The following NOP58 variants were observed in gnomAD, a reference collection of about 807,000 sequenced individuals.
NOP58 encodes nucleolar protein 58.
Under a neutral mutation model 71.2 loss-of-function variants are expected in NOP58, and 44 were observed. The ratio of observed to expected loss-of-function variants is 0.62; its 90% CI spans 0.49 to 0.79. NOP58 has a LOEUF of 0.79. Among genes scored for constraint, NOP58 ranks in the 30% least tolerant of loss-of-function variants. NOP58 has a pLI of 0.00. For missense variants in NOP58, 538 were observed against 620.2 expected, an observed-to-expected ratio of 0.87 and a Z score of 1.41; for synonymous variants, 228 against 200.3, an observed-to-expected ratio of 1.14 and a Z score of -1.17.
chr2:202,302,777 A>G (rs1689115906), intron 13 of NOP58, 144 bp from the exon 14 acceptor site: 1 of 1,125,018 alleles, frequency 8.9e-7, no homozygotes, highest in African/African-American at 1.6e-5. Context: ...GGCCTTGGAG[A>G]ACCTTCCCAA....
intron 3 of NOP58, among the ~76,000 whole-genome samples, chr2:202,279,570 G>A (rs1363782172): frequency 1.3e-5 from 2 of 152,232 alleles, no homozygotes; most frequent in Non-Finnish European, 2.9e-5. Flanking sequence ...GGCCAAGACA[G>A]GCGGATCACC....
intron 7 of NOP58, 99 bp downstream of exon 7, chr2:202,290,556 GT>G: frequency 9.2e-7 from 1 of 1,091,542 alleles, no homozygotes; most frequent in Non-Finnish European, 1.3e-6. Context: ...GATTCCCAGG[GT>G]TTTTGCAATT....
intron 5 of NOP58, 122 bp downstream of exon 5, chr2:202,284,603 T>A: frequency 1.5e-5 from 10 of 647,494 alleles, no homozygotes; most frequent in Non-Finnish European, 2.6e-5. Flanking sequence ...AAGAAGATGA[T>A]AGTAATATCC....
Position 202,303,558 on chromosome 2 carries a change from A to G in NOP58, c.*122A>G. The G allele has an allele frequency of 1.6e-6, 2 of 1,285,002 alleles. No homozygotes were observed. Among genetic ancestry groups the G allele is most frequent in the East Asian group, 5.1e-5 (2 of 38,838 alleles). The allele number at this position is 1,285,002 out of a possible 1,614,324, so 79.6% of individuals were successfully genotyped here. On this transcript the variant is annotated 3_prime_UTR_variant, in exon 15 of 15. Transcript: ENST00000264279. ...GTTCAGTAAGACAAAGTGATTTATC[A>G]TCTATAACTTCAAACCTATTTGTCT...
intron 1 of NOP58, among the ~76,000 whole-genome samples, chr2:202,273,494 T>C (rs1317304562): frequency 6.6e-6 from 1 of 152,262 alleles, no homozygotes; most frequent in African/African-American, 2.4e-5. Context: ...TAAGATAATT[T>C]CCATTTCTAA....
intron 8 of NOP58, among the ~76,000 whole-genome samples, chr2:202,291,967 T>C (rs1330021792): frequency 9.0e-6 from 1 of 111,286 alleles, no homozygotes; most frequent in East Asian, 2.6e-4. Context: ...TTGCTCAGAA[T>C]CTTTTTTTTT....
chr2:202,303,245 A>T, intron 14 of NOP58, 141 bp from the exon 15 acceptor site: 2 of 1,386,312 alleles, frequency 1.4e-6, no homozygotes, highest in Non-Finnish European at 9.8e-7. Flanking sequence ...ATTTATTACT[A>T]AAAATCAAGT....
chr2:202,290,472 C>T lies in NOP58; in HGVS notation c.634+15C>T. 6.3e-7 allele frequency: 1 copy of T among 1,598,512 alleles called. No homozygotes were observed. The highest frequency in any genetic ancestry group is 8.5e-7 in the Non-Finnish European group (1 of 1,171,970). ...ACAGAAAGTTGGTGAGTAATTTGTT[C>T]ATCCTTTAAGGCATTGAAAGTAAAT... On this transcript the variant is annotated intron_variant, in intron 7 of 14. Coordinates refer to ENST00000264279, the MANE Select transcript of NOP58 (RefSeq NM_015934.5).
chr2:202,303,056 C>G lies in NOP58; in HGVS notation c.1538C>G (p.Ala513Gly), dbSNP rs1473662632. 1 of 1,608,028 alleles carries G rather than the reference C, an allele frequency of 6.2e-7. No individual in the cohort carries two copies. The highest frequency in any genetic ancestry group is 8.5e-7 in the Non-Finnish European group (1 of 1,178,872). ...GAACCATGTACCAGCACAGCAATTG[C>G]TGTATGTTTGTTTTTAATTATCGGT... is the stretch of plus-strand genomic sequence containing the variant. Reference protein sequence around the residue: ...EEEPCTSTAIASPEKKKKKKK... With the variant: ...EEEPCTSTAIGSPEKKKKKKK... Residue 513 changes from alanine to glycine, a missense_variant and splice_region_variant, in exon 14 of 15, where the codon GCT (alanine) becomes GGT (glycine). Coordinates refer to ENST00000264279, the MANE Select transcript of NOP58 (RefSeq NM_015934.5).
Position 202,300,287 on chromosome 2 carries a change from A to T in NOP58, c.1322A>T (p.Lys441Ile). Residue 441 changes from lysine to isoleucine, a missense_variant, in exon 13 of 15, where the codon AAA becomes ATA. Coordinates refer to ENST00000264279, the MANE Select transcript of NOP58 (RefSeq NM_015934.5). ...SGDSTLPTCS[K>I]KRKIEQVDKE... is the part of the protein sequence containing the mutation. ...GACTCCACACTTCCAACCTGTTCTA[A>T]AAAACGCAAAATAGAACAGGTAGAT... The T allele has an allele frequency of 1.2e-6, 2 of 1,603,104 alleles. No homozygotes were observed. The highest frequency in any genetic ancestry group is 1.7e-4 in the Middle Eastern group (1 of 5,886).
chr2:202,300,493 T>G, intron 13 of NOP58, 126 bp downstream of exon 13: 1 of 692,186 alleles, frequency 1.4e-6, no homozygotes, highest in East Asian at 2.8e-5. Context: ...CTAATGGTGT[T>G]TTAATAATGC....
rs775636914 is a variant in NOP58, at chr2:202,291,140, A to G, written c.650A>G (p.Tyr217Cys). Residue 217 changes from tyrosine (Y) to cysteine (C), a missense_variant, in exon 8 of 15, where the codon TAT (tyrosine) becomes TGT (cysteine). Transcript: ENST00000264279. ...CLQKVGDRKN[Y>C]ASAKLSELLP... ...CATTCCATAGGCGATAGGAAGAACTATGCCTCTGCCAAGCTTTCTGAGTTG... is the reference window on the plus strand; with the variant it reads ...CATTCCATAGGCGATAGGAAGAACTGTGCCTCTGCCAAGCTTTCTGAGTTG... 84 of 1,609,360 alleles carry G rather than the reference A, an allele frequency of 5.2e-5. No individual in the cohort carries two copies. The highest frequency in any genetic ancestry group is 5.0e-5 in the Non-Finnish European group (59 of 1,178,786).
intron 1 of NOP58, among the ~76,000 whole-genome samples, chr2:202,267,586 T>C (rs1030090086): frequency 2.0e-5 from 3 of 152,206 alleles, no homozygotes; most frequent in Admixed American, 6.5e-5. Flanking sequence ...TAAATTACCA[T>C]GTAGAGTTCT....
intron 1 of NOP58, among the ~76,000 whole-genome samples, chr2:202,269,031 C>G (rs1434421253): frequency 6.6e-6 from 1 of 152,010 alleles, no homozygotes; most frequent in African/African-American, 2.4e-5. Flanking sequence ...GCTCTGTCAC[C>G]CAGGCTGGGG....
intron 6 of NOP58, among the ~76,000 whole-genome samples, chr2:202,289,657 A>G (rs1347080515): frequency 6.6e-6 from 1 of 152,206 alleles, no homozygotes; most frequent in Non-Finnish European, 1.5e-5. Context: ...ATTCTGATAC[A>G]TATTTCAACA....
At chr2:202,272,324 T>G (rs1688525395) in intron 1 of NOP58, among the ~76,000 whole-genome samples, 1 of 152,030 alleles carries the variant, frequency 6.6e-6, no homozygotes, top group Admixed American at 6.6e-5. Flanking sequence ...AGCTAATTTT[T>G]TTGTATTTTT....
At chr2:202,295,605 CTTT>C (rs1453464765) in intron 9 of NOP58, 66 bp from the exon 10 acceptor site, 23 of 1,118,360 alleles carry the variant, frequency 2.1e-5, no homozygotes, top group Non-Finnish European at 2.7e-5. Context: ...TTCTATAGGT[CTTT>C]TGTTTCAGTA....
At chr2:202,297,153 A>G (rs924195385) in intron 10 of NOP58, among the ~76,000 whole-genome samples, 1 of 152,208 alleles carries the variant, frequency 6.6e-6, no homozygotes, top group African/African-American at 2.4e-5. Flanking sequence ...TTTTAAAAAA[A>G]CCTAGTTTGA....
intron 14 of NOP58, 118 bp from the exon 15 acceptor site, chr2:202,303,268 G>T (rs1212835936): frequency 6.9e-7 from 1 of 1,446,252 alleles, no homozygotes; most frequent in African/African-American, 1.4e-5. Context: ...GCATTGAGGG[G>T]AGGAGTATGA....
Sources: gnomAD v4.1 joint callset for allele counts (sites outside exome capture counted in the v4.1 genomes callset) on GRCh38, gnomAD v4.1.1 for gene constraint, MANE v1.5 for transcripts, NCBI Gene and HGNC (gene_info 2026-07-23, HGNC 2026-07-21) for gene names.